DCDC1: variants seen among roughly 807,000 people sequenced by gnomAD.
DCDC1 encodes doublecortin domain-containing protein 1.
Under a neutral mutation model 178.3 loss-of-function variants are expected in DCDC1, and 200 were observed. The ratio of observed to expected loss-of-function variants is 1.12; its 90% CI spans 1.00 to 1.26. The LOEUF (loss-of-function observed/expected upper bound fraction) is 1.26, where lower values mean the gene tolerates loss of function less well. DCDC1 is among the 50% of genes most tolerant of loss of function. The pLI is 0.00. For synonymous variants in DCDC1, 690 were observed against 604.8 expected, an observed-to-expected ratio of 1.14 and a Z score of -2.07; for missense variants, 1,983 against 1,749.2, an observed-to-expected ratio of 1.13 and a Z score of -2.38.
At chr11:31,103,181 C>T (rs16921792) in intron 14 of DCDC1, among the ~76,000 whole-genome samples, 1 of 152,142 alleles carries the variant, frequency 6.6e-6, no homozygotes, top group Non-Finnish European at 1.5e-5. Flanking sequence ...AGAGACGAAG[C>T]AAAATGCCTC....
chr11:30,991,247 G>C (rs1950963564), intron 20 of DCDC1, among the ~76,000 whole-genome samples: 1 of 152,236 alleles, frequency 6.6e-6, no homozygotes, highest in Admixed American at 6.5e-5. Flanking sequence ...AGCTGGGAGT[G>C]AGTGTGACTC....
Position 30,900,373 on chromosome 11 carries a change from AAGACACCC to A in DCDC1, c.4628_4635del (p.Trp1543LeufsTer3). 6.4e-7 allele frequency: 1 copy of A among 1,565,596 alleles called. No individual in the cohort carries two copies. The highest frequency in any genetic ancestry group is 8.7e-7 in the Non-Finnish European group (1 of 1,154,944). ...TTTGGAGGTAGAAATGGTTCACCAC[AAGACACCC>A]AGATGGCAATAGGATTTCTGAGGAT... On this transcript the variant is annotated frameshift_variant, in exon 33 of 39. Coordinates refer to ENST00000684477, the MANE Select transcript of DCDC1 (RefSeq NM_001387274.1). LOFTEE classifies it high-confidence loss of function.
intron 10 of DCDC1, among the ~76,000 whole-genome samples, chr11:31,130,334 A>G (rs1281737375): frequency 6.6e-6 from 1 of 152,144 alleles, no homozygotes; most frequent in Non-Finnish European, 1.5e-5. Flanking sequence ...CAGAATTCCT[A>G]TGTGATTTGC....
Position 31,115,988 on chromosome 11 carries a change from G to C in DCDC1, c.1486-5627C>G, listed in dbSNP as rs983392498. 5.9e-5 allele frequency among the ~76,000 whole-genome samples: 8 copies of C among 134,728 alleles called. 1 individual carries two copies. The highest frequency in any genetic ancestry group is 2.1e-4 in the East Asian group (1 of 4,878). 88.4% of individuals were successfully genotyped at this position (134,728 alleles called of 152,430 possible). On this transcript the variant is annotated intron_variant, in intron 11 of 38. Coordinates refer to ENST00000684477, the MANE Select transcript of DCDC1 (RefSeq NM_001387274.1). ...AGGATATAGCTGTGGCAGTGGGGGG[G>C]GGGGGGATGGGTATCTCAGTCCTGA...
At chr11:31,002,685 A>G (rs1202691099) in intron 20 of DCDC1, among the ~76,000 whole-genome samples, 1 of 152,138 alleles carries the variant, frequency 6.6e-6, no homozygotes, top group Non-Finnish European at 1.5e-5. Context: ...TTTTACCCAT[A>G]CTGCTAAAGA....
intron 20 of DCDC1, among the ~76,000 whole-genome samples, chr11:30,953,176 T>C (rs186163744): frequency 3.3e-5 from 5 of 150,882 alleles, no homozygotes; most frequent in African/African-American, 1.2e-4. Flanking sequence ...AAGTCATATA[T>C]TGTGACAAAT....
intron 6 of DCDC1, among the ~76,000 whole-genome samples, chr11:31,292,551 T>C (rs765180249): frequency 6.6e-6 from 1 of 152,136 alleles, no homozygotes; most frequent in Non-Finnish European, 1.5e-5. Flanking sequence ...TTACATGAAA[T>C]ATCAGAATAG....
At chr11:31,311,260 C>T (rs529651313) in intron 3 of DCDC1, among the ~76,000 whole-genome samples, 27 of 152,122 alleles carry the variant, frequency 1.8e-4, no homozygotes, top group Non-Finnish European at 1.8e-4. Flanking sequence ...GGGAAAGTAC[C>T]TAGCAACGGC....
intron 9 of DCDC1, among the ~76,000 whole-genome samples, chr11:31,159,128 A>T (rs953669063): frequency 1.3e-5 from 2 of 152,222 alleles, no homozygotes; most frequent in African/African-American, 4.8e-5. Flanking sequence ...ATCTCATTAT[A>T]AACTACAAAG....
intron 32 of DCDC1, 22 bp downstream of exon 32, chr11:30,903,460 A>C: frequency 6.4e-7 from 1 of 1,556,186 alleles, no homozygotes; most frequent in Non-Finnish European, 8.7e-7. Context: ...GAATCAGCTA[A>C]ATGCTGTAGA....
intron 9 of DCDC1, among the ~76,000 whole-genome samples, chr11:31,141,937 G>A (rs965654045): frequency 2.6e-5 from 4 of 152,196 alleles, no homozygotes; most frequent in Admixed American, 6.5e-5. Context: ...AAAGAGCTCC[G>A]TATATAAACA....
intron 21 of DCDC1, among the ~76,000 whole-genome samples, chr11:30,941,456 A>C (rs975114508): frequency 6.6e-6 from 1 of 151,976 alleles, no homozygotes; most frequent in African/African-American, 2.4e-5. Context: ...ATTTTACCTC[A>C]ATGTCCCTTA....
intron 1 of DCDC1, among the ~76,000 whole-genome samples, chr11:31,337,371 T>C (rs1950325486): frequency 6.6e-6 from 1 of 152,212 alleles, no homozygotes; most frequent in African/African-American, 2.4e-5. Flanking sequence ...ACACTTTTCT[T>C]TAAGAATTCT....
intron 36 of DCDC1, among the ~76,000 whole-genome samples, chr11:30,888,038 G>T (rs1943344207): frequency 1.3e-5 from 1 of 74,962 alleles, no homozygotes; most frequent in Admixed American, 1.5e-4. Context: ...GAGAGAGAAA[G>T]AAAGAAAGAA....
chr11:31,314,377 T>G (rs979696832), intron 3 of DCDC1: 1 of 152,230 alleles, frequency 6.6e-6, no homozygotes, highest in African/African-American at 2.4e-5. Context: ...CATCCATTAT[T>G]AGTTGTACAT....
At chr11:30,942,767 T>C (rs1947746026) in intron 21 of DCDC1, among the ~76,000 whole-genome samples, 1 of 152,228 alleles carries the variant, frequency 6.6e-6, no homozygotes, top group Non-Finnish European at 1.5e-5. Flanking sequence ...CTTCTTTTAC[T>C]TTCCAGTTAG....
intron 11 of DCDC1, among the ~76,000 whole-genome samples, chr11:31,126,433 T>C (rs1038050446): frequency 1.3e-5 from 2 of 152,170 alleles, no homozygotes; most frequent in African/African-American, 2.4e-5. Context: ...TGAAATTACA[T>C]TTCCCAAAAA....
intron 20 of DCDC1, among the ~76,000 whole-genome samples, chr11:30,986,995 G>T (rs1950691191): frequency 6.6e-6 from 1 of 152,044 alleles, no homozygotes; most frequent in Non-Finnish European, 1.5e-5. Context: ...AATGCCATTA[G>T]TTTTTGTTTG....
chr11:30,969,699 C>T (rs1171251448), intron 20 of DCDC1, among the ~76,000 whole-genome samples: 1 of 152,114 alleles, frequency 6.6e-6, no homozygotes, highest in East Asian at 1.9e-4. Context: ...TTTGCATATT[C>T]CTCTTTAGCT....
Sources: gnomAD v4.1 joint callset for allele counts (sites outside exome capture counted in the v4.1 genomes callset) on GRCh38, gnomAD v4.1.1 for gene constraint, MANE v1.5 for transcripts, NCBI Gene and HGNC (gene_info 2026-07-23, HGNC 2026-07-21) for gene names.